The following DPP6 variants were observed in gnomAD, a reference collection of about 807,000 sequenced individuals.
DPP6 encodes dipeptidyl peptidase like 6.
Under a neutral mutation model 122.6 loss-of-function variants are expected in DPP6, and 69 were observed. The observed-to-expected ratio is 0.56, with a 90% CI of 0.46 to 0.69. The LOEUF is 0.69. Among genes scored for constraint, DPP6 ranks in the 30% least tolerant of loss-of-function variants. DPP6 has a pLI of 0.00. For missense variants in DPP6, 928 were observed against 1,116.9 expected (o/e 0.83, Z 2.41); for synonymous variants, 418 against 433.1 (o/e 0.97, Z 0.43).
chr7:154,614,671 C>T (rs1198818324), intron 5 of DPP6, among the ~76,000 whole-genome samples: 1 of 152,168 alleles, frequency 6.6e-6, no homozygotes, highest in Non-Finnish European at 1.5e-5. Context: ...TTTAAATTCT[C>T]CTGAAAGCTA....
intron 19 of DPP6, among the ~76,000 whole-genome samples, chr7:154,874,908 T>C (rs1158290553): frequency 1.3e-5 from 2 of 152,140 alleles, no homozygotes; most frequent in Non-Finnish European, 2.9e-5. Flanking sequence ...CTGGGCAACA[T>C]AGCAAGACCC....
intron 3 of DPP6, among the ~76,000 whole-genome samples, chr7:154,482,771 G>A (rs1823420622): frequency 6.6e-6 from 1 of 152,162 alleles, no homozygotes; most frequent in Non-Finnish European, 1.5e-5. Flanking sequence ...GAAAGGAAGT[G>A]GCAGGTGTAA....
At chr7:154,881,892 G>T (rs547646156) in intron 21 of DPP6, among the ~76,000 whole-genome samples, 9 of 152,192 alleles carry the variant, frequency 5.9e-5, no homozygotes, top group Non-Finnish European at 1.3e-4. Flanking sequence ...CAGGTGCCTA[G>T]ATGTCCACTC....
chr7:153,880,269 A>G, the DPP6 span, among the ~76,000 whole-genome samples: 2 of 152,220 alleles, frequency 1.3e-5, no homozygotes, highest in African/African-American at 2.4e-5. Flanking sequence ...AAGACTCTAC[A>G]AGAACTCTAA....
chr7:154,556,123 A>T (rs931233137), intron 4 of DPP6, among the ~76,000 whole-genome samples: 1 of 152,210 alleles, frequency 6.6e-6, no homozygotes, highest in Non-Finnish European at 1.5e-5. Flanking sequence ...ACGACGTTAT[A>T]TTCAACTCAA....
chr7:154,033,937 A>T (rs1161104599), intron 1 of DPP6, among the ~76,000 whole-genome samples: 1 of 152,196 alleles, frequency 6.6e-6, no homozygotes, highest in Non-Finnish European at 1.5e-5. Context: ...ACTAAACTAC[A>T]GTTCATTGAC....
intron 1 of DPP6, among the ~76,000 whole-genome samples, chr7:154,211,446 G>A (rs987686953): frequency 6.6e-5 from 10 of 152,132 alleles, no homozygotes; most frequent in Non-Finnish European, 1.3e-4. Flanking sequence ...CGACCCCTTC[G>A]CTCTGGAAGT....
chr7:153,960,326 C>T (rs1478568297), intron 1 of DPP6, among the ~76,000 whole-genome samples: 2 of 152,056 alleles, frequency 1.3e-5, no homozygotes, highest in Non-Finnish European at 2.9e-5. Context: ...CTCCAGTTGA[C>T]TTCCTTGTGT....
intron 1 of DPP6, among the ~76,000 whole-genome samples, chr7:154,073,053 G>A (rs1353530053): frequency 1.3e-5 from 2 of 152,194 alleles, no homozygotes; most frequent in South Asian, 2.1e-4. Flanking sequence ...CTGCCATCTC[G>A]GGCCAATATC....
At chr7:154,448,694 C>G (rs1325346718) in intron 2 of DPP6, among the ~76,000 whole-genome samples, 2 of 152,118 alleles carry the variant, frequency 1.3e-5, no homozygotes, top group Non-Finnish European at 2.9e-5. Flanking sequence ...GAAATCAAAA[C>G]AATATGGTAC....
At chr7:154,565,578 T>C (rs1170918376) in intron 4 of DPP6, among the ~76,000 whole-genome samples, 1 of 151,786 alleles carries the variant, frequency 6.6e-6, no homozygotes, top group Non-Finnish European at 1.5e-5. Flanking sequence ...CAGGCTGGAG[T>C]GCAATGGCGC....
intron 16 of DPP6, among the ~76,000 whole-genome samples, chr7:154,849,414 T>C (rs558037195): frequency 1.4e-4 from 22 of 152,368 alleles, no homozygotes; most frequent in African/African-American, 5.3e-4. Context: ...TATTCCTAAG[T>C]ATCTTTTTCT....
At chr7:153,759,915 G>C in the DPP6 span, among the ~76,000 whole-genome samples, 6 of 128,024 alleles carry the variant, frequency 4.7e-5, no homozygotes, top group African/African-American at 8.1e-5. Flanking sequence ...CTCTGTTTCT[G>C]TCTCTCTCTC....
At chr7:154,815,893 G>A (rs1799397416) in intron 16 of DPP6, among the ~76,000 whole-genome samples, 1 of 152,310 alleles carries the variant, frequency 6.6e-6, no homozygotes, top group South Asian at 2.1e-4. Flanking sequence ...TCCAAGTTGA[G>A]TGGAACCAAA....
At chr7:154,254,497 G>A (rs1201987517) in intron 1 of DPP6, among the ~76,000 whole-genome samples, 2 of 152,164 alleles carry the variant, frequency 1.3e-5, no homozygotes, top group Non-Finnish European at 1.5e-5. Context: ...CTGAGCTTCT[G>A]AGAAAAATCC....
At chr7:154,891,753 T>C (rs1002521730) in intron 25 of DPP6, among the ~76,000 whole-genome samples, 3 of 152,220 alleles carry the variant, frequency 2.0e-5, no homozygotes, top group Admixed American at 2.0e-4. Flanking sequence ...GCCCAGCTAA[T>C]TTTTGTATTT....
At chr7:154,091,382 T>G (rs763050393) in intron 1 of DPP6, among the ~76,000 whole-genome samples, 4 of 152,188 alleles carry the variant, frequency 2.6e-5, no homozygotes, top group Admixed American at 2.0e-4. Flanking sequence ...TTGAGCAGAC[T>G]TATAGCTTCT....
At chr7:154,173,718 A>G (rs994253976) in intron 1 of DPP6, among the ~76,000 whole-genome samples, 1 of 152,188 alleles carries the variant, frequency 6.6e-6, no homozygotes, top group African/African-American at 2.4e-5. Context: ...GGGGACAGAC[A>G]CGGGATTCCT....
chr7:154,731,908 A>G (rs2131378569), intron 8 of DPP6, among the ~76,000 whole-genome samples: 1 of 152,324 alleles, frequency 6.6e-6, no homozygotes. Flanking sequence ...CAAAGTTCCT[A>G]GTATGTAGGC....
Sources: gnomAD v4.1 joint callset for allele counts (sites outside exome capture counted in the v4.1 genomes callset) on GRCh38, gnomAD v4.1.1 for gene constraint, MANE v1.5 for transcripts, NCBI Gene and HGNC (gene_info 2026-07-23, HGNC 2026-07-21) for gene names.